POU2F1: variants seen among roughly 807,000 people sequenced by gnomAD.
The protein encoded by POU2F1 is POU class 2 homeobox 1, also known as POU domain, class 2, transcription factor 1.
A neutral mutation model predicts 84.9 loss-of-function variants in POU2F1; 16 were observed. That is an observed-to-expected ratio of 0.19 (90% confidence interval 0.13 to 0.29). POU2F1 has a LOEUF of 0.29. POU2F1 is among the 10% of genes least tolerant of loss of function. The probability of loss-of-function intolerance (pLI) is 1.00; values close to 1 mark genes in which losing one functional copy is unlikely to be tolerated. For missense variants in POU2F1, 738 were observed against 942.6 expected (o/e 0.78, Z 2.84); for synonymous variants, 368 against 368.3 (o/e 1.00, Z 0.01).
chr1:167,373,285 T>C (rs1253456926), intron 5 of POU2F1, among the ~76,000 whole-genome samples: 6 of 152,212 alleles, frequency 3.9e-5, no homozygotes, highest in African/African-American at 1.2e-4. Context: ...AGAACACATT[T>C]ACTACTTTAA....
chr1:167,303,916 A>T (rs1378456853), intron 1 of POU2F1, among the ~76,000 whole-genome samples: 2 of 152,164 alleles, frequency 1.3e-5, no homozygotes, highest in African/African-American at 4.8e-5. Context: ...CATTAGCATT[A>T]ATCCCTGTAT....
intron 3 of POU2F1, 21 bp from the exon 4 acceptor site, chr1:167,370,140 A>G: frequency 1.3e-6 from 2 of 1,597,470 alleles, no homozygotes; most frequent in Non-Finnish European, 8.6e-7. Context: ...TTAAACTAGA[A>G]CTTCCCCTGA....
chr1:167,304,525 C>T (rs1418523366), intron 1 of POU2F1, among the ~76,000 whole-genome samples: 2 of 152,140 alleles, frequency 1.3e-5, no homozygotes, highest in Non-Finnish European at 2.9e-5. Context: ...CTCATGTTAA[C>T]TAACACTGAT....
chr1:167,265,587 A>G (rs1651884263), intron 1 of POU2F1, among the ~76,000 whole-genome samples: 1 of 152,214 alleles, frequency 6.6e-6, no homozygotes, highest in Non-Finnish European at 1.5e-5. Flanking sequence ...TAAAAATCAA[A>G]CTTATGAGAC....
chr1:167,242,154 TTTTA>T (rs1416174338), intron 1 of POU2F1, among the ~76,000 whole-genome samples: 2 of 152,210 alleles, frequency 1.3e-5, no homozygotes, highest in African/African-American at 4.8e-5. Flanking sequence ...TCATTTACAC[TTTTA>T]TTAAGTAATT....
rs985314153 is a variant in POU2F1, at chr1:167,338,906, T to C, written c.127+6371T>C. Among the ~76,000 whole-genome samples, 4 of 152,234 alleles carry C rather than the reference T, an allele frequency of 2.6e-5. No individual in the cohort carries two copies. In the East Asian group the frequency reaches 5.8e-4, roughly 22 times the overall value. ...TACAAGTATCTGTTTGAGTTCCGTTTTTCAATTCTTTGGTTTATATACCTA... is the reference window on the plus strand; with the variant it reads ...TACAAGTATCTGTTTGAGTTCCGTTCTTCAATTCTTTGGTTTATATACCTA... On this transcript the variant is annotated intron_variant, in intron 2 of 15. Transcript: ENST00000367866.
chr1:167,286,194 A>T (rs1653514946), intron 1 of POU2F1, among the ~76,000 whole-genome samples: 1 of 152,196 alleles, frequency 6.6e-6, no homozygotes. Context: ...AGTTTTAAAT[A>T]GTTCTTTATT....
chr1:167,242,552 GA>G (rs1649991083), intron 1 of POU2F1, among the ~76,000 whole-genome samples: 1 of 152,226 alleles, frequency 6.6e-6, no homozygotes, highest in South Asian at 2.1e-4. Context: ...TCTAGCTATA[GA>G]ATTGACAAGA....
Position 167,401,524 on chromosome 1 carries a change from C to T in POU2F1, c.1523C>T (p.Thr508Ile), listed in dbSNP as rs371095333. 5 of 1,612,448 alleles carry T rather than the reference C, an allele frequency of 3.1e-6. No individual in the cohort carries two copies. Among genetic ancestry groups the T allele is most frequent in the Non-Finnish European group, 4.2e-6 (5 of 1,179,432 alleles). ...TLTVSPVLPL[T>I]SAAVTNLSVT... ...ACAGTCAGCCCTGTCCTCCCTCTGA[C>T]CAGTGCTGCTGTGACGAATCTTTCA... The change falls in exon 13 of 16, where the codon ACC becomes ATC. Residue 508 changes from threonine to isoleucine, a missense_variant. Physicochemically the swap from Thr to Ile is moderately conservative, Grantham distance 89. Transcript: ENST00000367866.
intron 9 of POU2F1, among the ~76,000 whole-genome samples, chr1:167,391,977 A>G (rs2101897873): frequency 6.6e-6 from 1 of 152,274 alleles, no homozygotes. Flanking sequence ...ATTTGTGAGG[A>G]GTTTGACTTG....
intron 2 of POU2F1, among the ~76,000 whole-genome samples, chr1:167,333,375 C>A (rs1184579142): frequency 6.6e-6 from 1 of 152,120 alleles, no homozygotes; most frequent in Non-Finnish European, 1.5e-5. Flanking sequence ...AATAAGAAGA[C>A]AGTTATGGGC....
intron 2 of POU2F1, among the ~76,000 whole-genome samples, chr1:167,348,659 A>G (rs1658359654): frequency 6.6e-6 from 1 of 152,136 alleles, no homozygotes; most frequent in Non-Finnish European, 1.5e-5. Flanking sequence ...TATAGTCAAA[A>G]TATCTTGTAA....
chr1:167,288,095 C>G (rs748959962), intron 1 of POU2F1, among the ~76,000 whole-genome samples: 4 of 152,104 alleles, frequency 2.6e-5, no homozygotes, highest in Non-Finnish European at 5.9e-5. Context: ...ATCATACATT[C>G]TTTTAAAAGA....
intron 13 of POU2F1, among the ~76,000 whole-genome samples, chr1:167,404,027 C>T (rs893493735): frequency 1.3e-5 from 2 of 151,976 alleles, no homozygotes; most frequent in African/African-American, 4.8e-5. Flanking sequence ...TTTTTTCTCT[C>T]TGTAAACCTT....
At chr1:167,290,528 C>T (rs1054202391) in intron 1 of POU2F1, among the ~76,000 whole-genome samples, 1 of 152,176 alleles carries the variant, frequency 6.6e-6, no homozygotes, top group Non-Finnish European at 1.5e-5. Context: ...ATATGTCTGT[C>T]CTAACTTGTC....
intron 4 of POU2F1, among the ~76,000 whole-genome samples, chr1:167,370,946 C>T (rs558733081): frequency 2.6e-5 from 4 of 152,248 alleles, no homozygotes; most frequent in Non-Finnish European, 5.9e-5. Context: ...TGGTTCCTTT[C>T]ATTATAGTGT....
Position 167,332,523 on chromosome 1 carries a change from G to A in POU2F1, c.115G>A (p.Asp39Asn), listed in dbSNP as rs373034407. The A allele has an allele frequency of 2.2e-5, 36 of 1,605,646 alleles. No individual in the cohort carries two copies. In the African/African-American group the frequency reaches 4.7e-4, roughly 21 times the overall value. Residue 39 changes from aspartate (D) to asparagine (N), a missense_variant, in exon 2 of 16, where the codon GAT becomes AAT. This residue lies in a region of POU2F1 where 161 missense variants were observed against 147.0 expected (regional missense o/e 1.10). Transcript: ENST00000367866. ...ETSKPSMESG[D>N]GNTGTQTNGL... ...CAGTAAACCATCTATGGAGAGTGGA[G>A]ATGGCAACACAGGTAAGAGTTTTCT...
At chr1:167,310,567 A>C (rs1450765079) in intron 1 of POU2F1, among the ~76,000 whole-genome samples, 1 of 152,130 alleles carries the variant, frequency 6.6e-6, no homozygotes, top group East Asian at 1.9e-4. Context: ...AAGGAGAATA[A>C]TTTTAAAGTG....
intron 1 of POU2F1, among the ~76,000 whole-genome samples, chr1:167,273,064 T>C (rs1036015035): frequency 6.6e-6 from 1 of 152,194 alleles, no homozygotes; most frequent in African/African-American, 2.4e-5. Context: ...AGACAGGGGC[T>C]ACAGGCCCTG....
Sources: allele counts gnomAD v4.1 joint callset (sites outside exome capture counted in the v4.1 genomes callset), GRCh38; gene constraint gnomAD v4.1.1; regional missense constraint gnomAD v4.1.1; transcripts MANE v1.5; gene names NCBI Gene and HGNC (gene_info 2026-07-23, HGNC 2026-07-21).